The following MARK3 variants were observed in gnomAD, a reference collection of about 807,000 sequenced individuals.
The protein encoded by MARK3 is microtubule affinity regulating kinase 3, also known as MAP/microtubule affinity-regulating kinase 3.
Under a neutral mutation model 90.1 loss-of-function variants are expected in MARK3, and 46 were observed. The ratio of observed to expected loss-of-function variants is 0.51; its 90% CI spans 0.40 to 0.65. MARK3 has a LOEUF of 0.65. MARK3 is among the 30% of genes least tolerant of loss of function. The pLI is 0.00. For missense variants in MARK3, 818 were observed against 947.2 expected (o/e 0.86, Z 1.79); for synonymous variants, 321 against 332.6 (o/e 0.97, Z 0.38).
chr14:103,463,691 T>C (rs2093445720), intron 7 of MARK3, among the ~76,000 whole-genome samples: 1 of 152,216 alleles, frequency 6.6e-6, no homozygotes, highest in African/African-American at 2.4e-5. Flanking sequence ...CTTTCTTATA[T>C]GTTCTTCTCT....
intron 14 of MARK3, 35 bp downstream of exon 14, chr14:103,480,525 T>C: frequency 7.4e-7 from 1 of 1,349,136 alleles, no homozygotes; most frequent in Non-Finnish European, 1.1e-6. Flanking sequence ...GAAAAGTTGT[T>C]TTTCCCAAGA....
chr14:103,408,584 G>A (rs1383578817), intron 2 of MARK3, among the ~76,000 whole-genome samples: 1 of 152,142 alleles, frequency 6.6e-6, no homozygotes, highest in African/African-American at 2.4e-5. Context: ...GACACATATG[G>A]CGTAGCATTC....
chr14:103,386,105 G>C, intron 1 of MARK3, 25 bp downstream of exon 1: 1 of 1,613,136 alleles, frequency 6.2e-7, no homozygotes, highest in Non-Finnish European at 8.5e-7. Context: ...CGTTGTAGTT[G>C]GCGGACCTTC....
intron 3 of MARK3, among the ~76,000 whole-genome samples, chr14:103,445,200 A>G (rs1014943763): frequency 6.6e-6 from 1 of 152,150 alleles, no homozygotes; most frequent in Admixed American, 6.5e-5. Flanking sequence ...TCTTTGGATG[A>G]GTTTCCTAAC....
chr14:103,428,646 G>A (rs541959452), intron 3 of MARK3, among the ~76,000 whole-genome samples: 61 of 152,210 alleles, frequency 4.0e-4, no homozygotes, highest in African/African-American at 1.4e-3. Flanking sequence ...GTTCTTAACA[G>A]CACAAACTAA....
At chr14:103,471,946 C>T (rs2093632276) in intron 12 of MARK3, among the ~76,000 whole-genome samples, 1 of 152,186 alleles carries the variant, frequency 6.6e-6, no homozygotes, top group Non-Finnish European at 1.5e-5. Flanking sequence ...CGCAGTGGCT[C>T]ATGCCTGTAA....
At chr14:103,498,364 G>A (rs1489050092) in intron 15 of MARK3, 138 bp from the exon 16 acceptor site, 3 of 505,468 alleles carry the variant, frequency 5.9e-6, no homozygotes, top group Non-Finnish European at 9.7e-6. Context: ...ACAAATGTCA[G>A]CATTTCTTTG....
intron 7 of MARK3, among the ~76,000 whole-genome samples, chr14:103,465,051 T>G (rs552486216): frequency 7.2e-5 from 11 of 152,332 alleles, no homozygotes; most frequent in African/African-American, 2.6e-4. Flanking sequence ...CACTGCAACC[T>G]CTGCCTCCCG....
chr14:103,438,992 T>TAA (rs60721454), intron 3 of MARK3, among the ~76,000 whole-genome samples: 170 of 142,382 alleles, frequency 1.2e-3, no homozygotes, highest in Middle Eastern at 3.5e-3. Flanking sequence ...CTTCTCTAAT[T>TAA]AAAAAAAAAA....
At chr14:103,488,406 A>C (rs1380654009) in intron 14 of MARK3, among the ~76,000 whole-genome samples, 2 of 152,140 alleles carry the variant, frequency 1.3e-5, no homozygotes, top group Non-Finnish European at 2.9e-5. Flanking sequence ...ACCACAGCAA[A>C]ATCTCATTAT....
At chr14:103,391,067 T>G (rs1054622927) in intron 1 of MARK3, among the ~76,000 whole-genome samples, 2 of 152,208 alleles carry the variant, frequency 1.3e-5, no homozygotes, top group Admixed American at 6.5e-5. Context: ...AGAATGTTAT[T>G]TATCAATGCT....
chr14:103,426,004 T>G (rs2092391001), intron 2 of MARK3, among the ~76,000 whole-genome samples: 1 of 152,252 alleles, frequency 6.6e-6, no homozygotes, highest in South Asian at 2.1e-4. Flanking sequence ...GCAGCCATTC[T>G]CAAAAGTATG....
Position 103,451,959 on chromosome 14 carries a change from C to G in MARK3, c.388C>G (p.Leu130Val), listed in dbSNP as rs934605970. ...EVIETEKTLY[L>V]IMEYASGGEV... ...CATTGAAACTGAAAAAACACTCTAC[C>G]TAATCATGGAATATGCAAGTGGAGG... is the stretch of plus-strand genomic sequence containing the variant. Residue 130 changes from leucine (L) to valine (V), a missense_variant, in exon 5 of 18, where the codon CTA (leucine) becomes GTA (valine). Leu to Val is a conservative substitution (Grantham distance 32). Coordinates refer to ENST00000429436, the MANE Select transcript of MARK3 (RefSeq NM_001128918.3). 1 of 1,611,856 alleles carries G rather than the reference C, an allele frequency of 6.2e-7. No individual in the cohort carries two copies. The highest frequency in any genetic ancestry group is 8.5e-7 in the Non-Finnish European group (1 of 1,178,716).
chr14:103,460,089 TTTTTTTTTTTTTTTTG>T (rs1224937771), intron 6 of MARK3, among the ~76,000 whole-genome samples: 1 of 119,118 alleles, frequency 8.4e-6, no homozygotes, highest in Non-Finnish European at 1.8e-5. Flanking sequence ...TTTTTTTTTT[TTTTTTTTTTTTTTTTG>T]AGACAAATCT....
intron 7 of MARK3, 83 bp from the exon 8 acceptor site, chr14:103,465,474 G>A: frequency 1.1e-6 from 1 of 912,152 alleles, no homozygotes; most frequent in Non-Finnish European, 1.8e-6. Context: ...ATTACAGAAA[G>A]CTTTTCTAAA....
chr14:103,459,103 G>A (rs1019651543), intron 6 of MARK3, among the ~76,000 whole-genome samples: 9 of 152,042 alleles, frequency 5.9e-5, no homozygotes, highest in Non-Finnish European at 1.2e-4. Flanking sequence ...TTATAAATTG[G>A]CCACCTAAAA....
At chr14:103,478,568 G>T (rs2093760036) in intron 13 of MARK3, among the ~76,000 whole-genome samples, 1 of 150,390 alleles carries the variant, frequency 6.6e-6, no homozygotes, top group Non-Finnish European at 1.5e-5. Context: ...TTTTGAGATG[G>T]CATTTCGCTC....
In MARK3 at chr14:103,393,283, C is replaced by A. The variant is rs561466626; in HGVS notation, c.51+7203C>A. 6.6e-5 allele frequency among the ~76,000 whole-genome samples: 10 copies of A among 152,174 alleles called. No homozygotes were observed. The South Asian group carries it at 2.1e-3, about 32-fold the overall frequency. On this transcript the variant is annotated intron_variant, in intron 1 of 17. Transcript: ENST00000429436. ...ATTACAGGCGTGAGCCACTGTGCCC[C>A]GGCTTAATCAGCTTGTCAACTTCTA...
chr14:103,471,730 A>C lies in MARK3; in HGVS notation c.1265-3263A>C, dbSNP rs1224510097. Among the ~76,000 whole-genome samples the C allele has an allele frequency of 2.6e-5, 4 of 151,336 alleles. No individual in the cohort carries two copies. The East Asian group carries it at 5.8e-4, about 22-fold the overall frequency. ...ACATGTGAACACCCCATATGTGTGC[A>C]CTTTTTCTGCGAATGGTGATCATCT... On this transcript the variant is annotated intron_variant, in intron 12 of 17. Transcript: ENST00000429436.
Sources: allele counts gnomAD v4.1 joint callset (sites outside exome capture counted in the v4.1 genomes callset), GRCh38; gene constraint gnomAD v4.1.1; transcripts MANE v1.5; gene names NCBI Gene and HGNC (gene_info 2026-07-23, HGNC 2026-07-21).